The following OPCML variants were observed in gnomAD, a reference collection of about 807,000 sequenced individuals.
OPCML encodes the protein opioid-binding protein/cell adhesion molecule.
OPCML carries 13 observed loss-of-function variants against 37.8 expected under a neutral mutation model. The ratio of observed to expected loss-of-function variants is 0.34; its 90% CI spans 0.22 to 0.55. OPCML has a LOEUF of 0.55. Among genes scored for constraint, OPCML ranks in the 20% least tolerant of loss-of-function variants. OPCML has a pLI of 0.91. For synonymous variants in OPCML, 176 were observed against 168.8 expected, an observed-to-expected ratio of 1.04 and a Z score of -0.33; for missense variants, 341 against 435.6, an observed-to-expected ratio of 0.78 and a Z score of 1.93.
chr11:132,512,018 A>G (rs1016390542), intron 4 of OPCML, among the ~76,000 whole-genome samples: 5 of 152,098 alleles, frequency 3.3e-5, no homozygotes, highest in Non-Finnish European at 7.4e-5. Context: ...ATGACTCCAT[A>G]ATAAAAGATA....
chr11:133,326,038 T>C (rs1435567006), intron 1 of OPCML, among the ~76,000 whole-genome samples: 1 of 152,182 alleles, frequency 6.6e-6, no homozygotes, highest in Non-Finnish European at 1.5e-5. Context: ...TTTCCTTCAT[T>C]AAAATTAAGC....
intron 3 of OPCML, among the ~76,000 whole-genome samples, chr11:132,551,697 C>T (rs1456966797): frequency 1.3e-5 from 2 of 152,134 alleles, no homozygotes; most frequent in Non-Finnish European, 2.9e-5. Context: ...AGTTTTAATT[C>T]CCTATGATTT....
intron 1 of OPCML, among the ~76,000 whole-genome samples, chr11:133,341,523 T>C (rs1006556635): frequency 6.6e-6 from 1 of 152,214 alleles, no homozygotes; most frequent in African/African-American, 2.4e-5. Flanking sequence ...CTCAGCTGAA[T>C]ACCCTACAGG....
At chr11:132,742,001 C>T (rs1369957061) in intron 2 of OPCML, among the ~76,000 whole-genome samples, 2 of 151,582 alleles carry the variant, frequency 1.3e-5, no homozygotes, top group Non-Finnish European at 2.9e-5. Context: ...TGTACTCCAG[C>T]CTGGGCAACA....
intron 3 of OPCML, among the ~76,000 whole-genome samples, chr11:132,647,274 C>CA (rs58431311): frequency 2.0e-5 from 3 of 151,930 alleles, no homozygotes; most frequent in Non-Finnish European, 2.9e-5. Flanking sequence ...TTTTCTCATT[C>CA]AAAAAAATGG....
chr11:133,243,507 A>T (rs1227533391), intron 1 of OPCML, among the ~76,000 whole-genome samples: 1 of 152,250 alleles, frequency 6.6e-6, no homozygotes, highest in Non-Finnish European at 1.5e-5. Context: ...TGTTCACAGC[A>T]AGGTGAGAAG....
chr11:132,957,605 C>T (rs1199957746), intron 1 of OPCML, among the ~76,000 whole-genome samples: 1 of 152,114 alleles, frequency 6.6e-6, no homozygotes, highest in Non-Finnish European at 1.5e-5. Context: ...GGGTATTTTA[C>T]AAATTGAAGG....
At chr11:133,236,346 G>A (rs1298983894) in intron 1 of OPCML, among the ~76,000 whole-genome samples, 2 of 152,076 alleles carry the variant, frequency 1.3e-5, no homozygotes, top group East Asian at 1.9e-4. Flanking sequence ...ACGTAGAATC[G>A]CACAAAATTT....
At chr11:133,376,767 G>A (rs1944813157) in intron 1 of OPCML, among the ~76,000 whole-genome samples, 1 of 152,146 alleles carries the variant, frequency 6.6e-6, no homozygotes. Context: ...AAGTCTAGTG[G>A]CCCAAATAAG....
At chr11:133,021,847 C>T (rs905199824) in intron 1 of OPCML, among the ~76,000 whole-genome samples, 2 of 136,894 alleles carry the variant, frequency 1.5e-5, no homozygotes, top group Non-Finnish European at 3.1e-5. Context: ...TTAAGCTCCA[C>T]TTGCCTGTGA....
At chr11:132,691,900 G>T (rs1362880879) in intron 2 of OPCML, among the ~76,000 whole-genome samples, 7 of 152,198 alleles carry the variant, frequency 4.6e-5, no homozygotes, top group Non-Finnish European at 8.8e-5. Context: ...CTAAGCTCCA[G>T]TTGACAGTAT....
At chr11:133,476,039 C>T (rs988039064) in intron 1 of OPCML, among the ~76,000 whole-genome samples, 1 of 152,152 alleles carries the variant, frequency 6.6e-6, no homozygotes, top group East Asian at 1.9e-4. Context: ...TAAGGACCAC[C>T]AGCAAAATCA....
In OPCML at chr11:132,416,159, C is replaced by A. The variant is rs1198205320; in HGVS notation, c.*4034G>T. On this transcript the variant is annotated 3_prime_UTR_variant, in exon 8 of 8. Transcript: ENST00000524381. ...AAAAGAAAAACCTTATGCTGCTTCC[C>A]TTAATTCCAAAGGGATTGACAATTT... 1 of 152,172 alleles carries A rather than the reference C, an allele frequency of 6.6e-6. No individual in the cohort carries two copies. The highest frequency in any genetic ancestry group is 1.5e-5 in the Non-Finnish European group (1 of 68,028). The allele number at this position is 152,172 out of a possible 1,614,324, so 9.4% of individuals were successfully genotyped here. A position where few individuals can be genotyped will look rare whatever the true frequency, so the allele number is the denominator to read the frequency against.
At chr11:132,719,625 C>T (rs529371345) in intron 2 of OPCML, among the ~76,000 whole-genome samples, 9 of 152,280 alleles carry the variant, frequency 5.9e-5, no homozygotes, top group African/African-American at 1.9e-4. Flanking sequence ...CACAAGCTCC[C>T]CTGGCAGGAG....
At chr11:133,079,203 A>G (rs1433931441) in intron 1 of OPCML, among the ~76,000 whole-genome samples, 1 of 152,160 alleles carries the variant, frequency 6.6e-6, no homozygotes, top group Non-Finnish European at 1.5e-5. Flanking sequence ...TTTGATACGC[A>G]TTTTAAGCTA....
intron 4 of OPCML, among the ~76,000 whole-genome samples, chr11:132,446,213 T>C (rs1158235695): frequency 6.9e-6 from 1 of 145,774 alleles, no homozygotes; most frequent in Non-Finnish European, 1.5e-5. Flanking sequence ...TTGGGAGTGG[T>C]TCTGAGTGAG....
At chr11:132,425,842 G>C (rs1009644721) in intron 7 of OPCML, among the ~76,000 whole-genome samples, 4 of 152,198 alleles carry the variant, frequency 2.6e-5, no homozygotes, top group Admixed American at 1.3e-4. Context: ...AGCGTATTCA[G>C]TAGCCCAGTA....
chr11:133,310,167 T>C lies in OPCML; in HGVS notation c.61+222097A>G, dbSNP rs899590919. 2.0e-5 allele frequency among the ~76,000 whole-genome samples: 3 copies of C among 152,346 alleles called. No individual in the cohort carries two copies. In the South Asian group the frequency reaches 6.2e-4, roughly 32 times the overall value. On this transcript the variant is annotated intron_variant, in intron 1 of 7. Transcript: ENST00000524381. ...TAACTCTTGTTCGCACAAATCTGAT[T>C]TCACAAACTTTTGTGGAAAAGGGGT... is the stretch of plus-strand genomic sequence containing the variant.
At chr11:133,039,196 C>A (rs1039272456) in intron 1 of OPCML, among the ~76,000 whole-genome samples, 1 of 152,256 alleles carries the variant, frequency 6.6e-6, no homozygotes, top group African/African-American at 2.4e-5. Flanking sequence ...ATCCTTGCCA[C>A]AGCTTAGCCT....
Sources: allele counts gnomAD v4.1 joint callset (sites outside exome capture counted in the v4.1 genomes callset), GRCh38; gene constraint gnomAD v4.1.1; transcripts MANE v1.5; gene names NCBI Gene and HGNC (gene_info 2026-07-23, HGNC 2026-07-21).